DSPP: variants seen among roughly 807,000 people sequenced by gnomAD.
DSPP encodes dentin sialophosphoprotein.
A neutral mutation model predicts 29.1 loss-of-function variants in DSPP; 28 were observed. The ratio of observed to expected loss-of-function variants is 0.96; its 90% confidence interval spans 0.71 to 1.32. The LOEUF is 1.32. Ranked by LOEUF, DSPP falls within the 40% of genes most tolerant of loss-of-function variation. The pLI is 0.00. For synonymous variants in DSPP, 481 were observed against 503.4 expected (o/e 0.96, Z 0.60); for missense variants, 1,281 against 1,629.9 (o/e 0.79, Z 3.69).
intron 1 of DSPP, among the ~76,000 whole-genome samples, chr4:87,609,165 A>G (rs2736978): frequency 6.6e-6 from 1 of 152,178 alleles, no homozygotes; most frequent in East Asian, 1.9e-4. Flanking sequence ...TCATGCTGAG[A>G]TCACCTGGGC....
At position 87,615,690 on chromosome 4, in the gene DSPP, A is replaced by G. The variant is rs1307609046; in HGVS notation, c.3028A>G (p.Ser1010Gly). 1 of 1,535,602 alleles carries G rather than the reference A, an allele frequency of 6.5e-7. No individual in the cohort carries two copies. Among genetic ancestry groups the G allele is most frequent in the Non-Finnish European group, 8.8e-7 (1 of 1,138,224 alleles). ...CAACAGCAGTGATAGCAGTGACAGC[A>G]GTGACAGCAGTGATAGCAGTAATAG... The part of the protein sequence containing the change: ...SSNSSDSSDS[S>G]DSSDSSNSSD... Residue 1010 changes from serine to glycine, a missense_variant, in exon 5 of 5, where the codon AGT becomes GGT. Coordinates refer to ENST00000651931, the MANE Select transcript of DSPP (RefSeq NM_014208.3).
In DSPP at chr4:87,612,439, T is replaced by A; in HGVS notation, c.253T>A (p.Trp85Arg). 6.2e-7 allele frequency: 1 copy of A among 1,613,862 alleles called. No homozygotes were observed. Among genetic ancestry groups the A allele is most frequent in the Non-Finnish European group, 8.5e-7 (1 of 1,179,902 alleles). The stretch of plus-strand genomic sequence containing the variant: ...CAAGGGAGAAGGGAATGGCTCTAAG[T>A]GGGCAGAAGTAGGAGGGAAGAGTTT... ...GHKGEGNGSK[W>R]AEVGGKSFST... Residue 85 changes from tryptophan (W) to arginine (R), a missense_variant, in exon 4 of 5, where the codon TGG becomes AGG. This residue lies in a region of DSPP where 631 missense variants were observed against 643.2 expected (regional missense o/e 0.98). Transcript: ENST00000651931.
Position 87,612,490 on chromosome 4 carries a change from G to C in DSPP, c.304G>C (p.Glu102Gln). ...SFSTYSTLANEEGNIEGWNGD... is the reference protein window; with the variant it reads ...SFSTYSTLANQEGNIEGWNGD... ...TTCTACATATTCCACATTAGCAAAC[G>C]AAGAGGGGAATATTGAGGGCTGGAA... The change falls in exon 4 of 5, where the codon GAA becomes CAA. Residue 102 changes from glutamate (E) to glutamine (Q), a missense_variant. This residue lies in a region of DSPP where 631 missense variants were observed against 643.2 expected (regional missense o/e 0.98). Coordinates refer to ENST00000651931, the MANE Select transcript of DSPP (RefSeq NM_014208.3). The C allele has an allele frequency of 1.2e-6, 2 of 1,613,994 alleles. No individual in the cohort carries two copies. Among genetic ancestry groups the C allele is most frequent in the Non-Finnish European group, 1.7e-6 (2 of 1,179,976 alleles).
In DSPP at chr4:87,614,534, A is replaced by T; in HGVS notation, c.1872A>T (p.Ser624=). The T allele has an allele frequency of 6.5e-7, 1 of 1,549,476 alleles. No homozygotes were observed. The highest frequency in any genetic ancestry group is 1.2e-5 in the South Asian group (1 of 83,940). Residue 624 remains serine, a synonymous_variant, in exon 5 of 5, where the codon TCA becomes TCT. Transcript: ENST00000651931. ...SDSSDSSDSK[S]DSSKSESDSS... ...GTAGTGACAGCAGTGACAGCAAGTC[A>T]GACAGCAGCAAATCAGAGAGCGACA...
At chr4:87,608,836 G>A (rs1315511569) in intron 1 of DSPP, among the ~76,000 whole-genome samples, 1 of 152,092 alleles carries the variant, frequency 6.6e-6, no homozygotes, top group Non-Finnish European at 1.5e-5. Flanking sequence ...GAAAGACCTC[G>A]TACTGAAAAA....
rs1727842361 is a variant in DSPP, at chr4:87,615,064, G to C, written c.2402G>C (p.Ser801Thr). Residue 801 changes from serine (S) to threonine (T), a missense_variant, in exon 5 of 5, where the codon AGT becomes ACT. Physicochemically the swap from Ser to Thr is moderately conservative, Grantham distance 58. Coordinates refer to ENST00000651931, the MANE Select transcript of DSPP (RefSeq NM_014208.3). ...SSDSSDSSNS[S>T]DSSNSSDSSD... Reference sequence around the variant, plus strand: ...GACAGCAGTGATAGCAGCAACAGCAGTGATAGCAGCAACAGCAGTGATAGC... The same window carrying C: ...GACAGCAGTGATAGCAGCAACAGCACTGATAGCAGCAACAGCAGTGATAGC... The C allele has an allele frequency of 1.9e-6, 3 of 1,550,982 alleles. No individual in the cohort carries two copies. The highest frequency in any genetic ancestry group is 2.6e-6 in the Non-Finnish European group (3 of 1,146,774).
At position 87,614,656 on chromosome 4, in the gene DSPP, G is replaced by C; in HGVS notation, c.1994G>C (p.Ser665Thr). 6.5e-7 allele frequency: 1 copy of C among 1,537,776 alleles called. No homozygotes were observed. The highest frequency in any genetic ancestry group is 8.8e-7 in the Non-Finnish European group (1 of 1,136,494). ...DSSDSSNSSNSSDSSDSSDSS... is the reference protein window; with the variant it reads ...DSSDSSNSSNTSDSSDSSDSS... ...AGCGACAGCAGCAATAGCAGTAACA[G>C]CAGTGATAGTAGTGACAGCAGTGAT... The change falls in exon 5 of 5, where the codon AGC becomes ACC. Residue 665 changes from serine to threonine, a missense_variant. This residue lies in a region of DSPP where 444 missense variants were observed against 611.4 expected (regional missense o/e 0.73). Transcript: ENST00000651931.
chr4:87,616,341 G>A lies in DSPP; in HGVS notation c.3679G>A (p.Asp1227Asn), dbSNP rs1272184807. 4 of 1,514,644 alleles carry A rather than the reference G, an allele frequency of 2.6e-6. No individual in the cohort carries two copies. Among genetic ancestry groups the A allele is most frequent in the Non-Finnish European group, 3.6e-6 (4 of 1,122,880 alleles). 93.8% of individuals were successfully genotyped at this position (1,514,644 alleles called of 1,614,324 possible). The change falls in exon 5 of 5, where the codon GAC (aspartate) becomes AAC (asparagine). Residue 1227 changes from aspartate (D) to asparagine (N), a missense_variant. This residue lies in a region of DSPP where 134 missense variants were observed against 185.0 expected (regional missense o/e 0.72). Transcript: ENST00000651931. ...SDSSDSSDSS[D>N]SSDSNESSDS... is the part of the protein sequence containing the mutation. Reference sequence around the variant, plus strand: ...CAGCAGCGACAGCAGTGACAGCAGCGACAGCAGTGACAGCAATGAAAGCAG... The same window carrying A: ...CAGCAGCGACAGCAGTGACAGCAGCAACAGCAGTGACAGCAATGAAAGCAG...
Position 87,614,057 on chromosome 4 carries a change from C to T in DSPP, c.1395C>T (p.Pro465=). 1.2e-6 allele frequency: 2 copies of T among 1,614,160 alleles called. No homozygotes were observed. Among genetic ancestry groups the T allele is most frequent in the Non-Finnish European group, 1.7e-6 (2 of 1,180,036 alleles). The change falls in exon 5 of 5, where the codon CCC becomes CCT. Residue 465 remains proline (P), a synonymous_variant. Coordinates refer to ENST00000651931, the MANE Select transcript of DSPP (RefSeq NM_014208.3). ...ATAAGTCCATGCAAGGAGATGATCCCAATAGCAGTGATGAATCTAATGGCA... is the reference window on the plus strand; with the variant it reads ...ATAAGTCCATGCAAGGAGATGATCCTAATAGCAGTGATGAATCTAATGGCA... ...FDDKSMQGDD[P]NSSDESNGND...
Position 87,613,920 on chromosome 4 carries a change from G to T in DSPP, c.1258G>T (p.Val420Phe), listed in dbSNP as rs911893658. The change falls in exon 5 of 5, where the codon GTT becomes TTT. Residue 420 changes from valine (V) to phenylalanine (F), a missense_variant. Transcript: ENST00000651931. ...AGGCAATGTCAAGACACAAGGAGAG[G>T]TTGTCAACATAGAAGGACCTGGCCA... ...GKGNVKTQGE[V>F]VNIEGPGQKS... 5 of 1,614,070 alleles carry T rather than the reference G, an allele frequency of 3.1e-6. No homozygotes were observed. The highest frequency in any genetic ancestry group is 4.2e-6 in the Non-Finnish European group (5 of 1,180,036).
chr4:87,613,823 T>C lies in DSPP; in HGVS notation c.1161T>C (p.Asn387=). 1 of 1,614,106 alleles carries C rather than the reference T, an allele frequency of 6.2e-7. No individual in the cohort carries two copies. The change falls in exon 5 of 5, where the codon AAT becomes AAC. Residue 387 remains asparagine, a synonymous_variant. Coordinates refer to ENST00000651931, the MANE Select transcript of DSPP (RefSeq NM_014208.3). The part of the protein sequence containing the change: ...EIKGPSSGNR[N]ITKEVGKGNE... ...AGGGTCCCAGCAGTGGCAACAGAAATATTACCAAAGAAGTTGGGAAAGGCA... is the reference window on the plus strand; with the variant it reads ...AGGGTCCCAGCAGTGGCAACAGAAACATTACCAAAGAAGTTGGGAAAGGCA...
chr4:87,610,821 T>C (rs1401939114), intron 1 of DSPP, 60 bp from the exon 2 acceptor site: 5 of 1,124,832 alleles, frequency 4.4e-6, no homozygotes, highest in East Asian at 2.4e-5. Context: ...CAAAATAATA[T>C]AGTACTATGA....
At chr4:87,611,040 T>TGTGTGTGTGTGTGTGTGTGTGTGTGC (rs1727725400) in intron 2 of DSPP, 81 bp downstream of exon 2, 1 of 1,026,222 alleles carries the variant, frequency 9.7e-7, no homozygotes, top group African/African-American at 1.7e-5. Context: ...AGTGTGTGTG[T>TGTGTGTGTGTGTGTGTGTGTGTGTGC]GTGTGTGTGT....
In DSPP at chr4:87,610,943, TAGCA is replaced by T. The variant is rs1727721659; in HGVS notation, c.36_39del (p.Ala13GlyfsTer19). The T allele has an allele frequency of 1.9e-6, 3 of 1,613,676 alleles. No individual in the cohort carries two copies. The highest frequency in any genetic ancestry group is 2.5e-6 in the Non-Finnish European group (3 of 1,179,694). On this transcript the variant is annotated frameshift_variant, in exon 2 of 5. Coordinates refer to ENST00000651931, the MANE Select transcript of DSPP (RefSeq NM_014208.3). LOFTEE classifies it high-confidence loss of function. ...ATTACATATTTTTGCATTTGGGCAG[TAGCA>T]TGGGCCATTCCAGTAAGTATGCCTT...
At position 87,615,801 on chromosome 4, in the gene DSPP, G is replaced by T. The variant is rs770239442; in HGVS notation, c.3139G>T (p.Asp1047Tyr). The T allele has an allele frequency of 1.3e-6, 2 of 1,489,864 alleles. No individual in the cohort carries two copies. The highest frequency in any genetic ancestry group is 1.8e-6 in the Non-Finnish European group (2 of 1,118,112). 92.3% of individuals were successfully genotyped at this position (1,489,864 alleles called of 1,614,324 possible). ...SDSSDSSDSSDSSDSSDSSNS... is the reference protein window; with the variant it reads ...SDSSDSSDSSYSSDSSDSSNS... Reference sequence around the variant, plus strand: ...CAGCAGCGATAGCAGTGACAGCAGCGATAGCAGTGACAGCAGTGACAGCAG... The same window carrying T: ...CAGCAGCGATAGCAGTGACAGCAGCTATAGCAGTGACAGCAGTGACAGCAG... The change falls in exon 5 of 5, where the codon GAT becomes TAT. Residue 1047 changes from aspartate (D) to tyrosine (Y), a missense_variant. Physicochemically the swap from Asp to Tyr is radical, Grantham distance 160 (BLOSUM62 -3). Around this residue, in one of 4 missense-constraint regions of DSPP, gnomAD observed 72 missense variants for 190.3 expected, o/e 0.38. Transcript: ENST00000651931.
In DSPP at chr4:87,616,226, T is replaced by A; in HGVS notation, c.3564T>A (p.Asp1188Glu). 6.6e-7 allele frequency: 1 copy of A among 1,509,488 alleles called. No homozygotes were observed. Among genetic ancestry groups the A allele is most frequent in the South Asian group, 1.2e-5 (1 of 81,806 alleles). 93.5% of individuals were successfully genotyped at this position (1,509,488 alleles called of 1,614,324 possible). Residue 1188 changes from aspartate to glutamate, a missense_variant, in exon 5 of 5, where the codon GAT becomes GAA. Physicochemically the swap from Asp to Glu is conservative, Grantham distance 45. Around this residue, in one of 4 missense-constraint regions of DSPP, gnomAD observed 134 missense variants for 185.0 expected, o/e 0.72. Coordinates refer to ENST00000651931, the MANE Select transcript of DSPP (RefSeq NM_014208.3). ...GCAGTGATAGCAGCGACAGCAGTGATAGCAGTGACAGCAGCGACAGCAGCG... is the reference window on the plus strand; with the variant it reads ...GCAGTGATAGCAGCGACAGCAGTGAAAGCAGTGACAGCAGCGACAGCAGCG... ...SNSSDSSDSS[D>E]SSDSSDSSDS...
In DSPP at chr4:87,615,454, A is replaced by C; in HGVS notation, c.2792A>C (p.Asp931Ala). Residue 931 changes from aspartate (D) to alanine (A), a missense_variant, in exon 5 of 5, where the codon GAC becomes GCC. Asp to Ala is a moderately radical substitution (Grantham distance 126). This residue lies in a region of DSPP where 444 missense variants were observed against 611.4 expected (regional missense o/e 0.73). Coordinates refer to ENST00000651931, the MANE Select transcript of DSPP (RefSeq NM_014208.3). ...SDSSESSNSSDNSNSSDSSNS... is the reference protein window; with the variant it reads ...SDSSESSNSSANSNSSDSSNS... ...AGCAGTGAAAGCAGTAATAGTAGTG[A>C]CAACAGCAATAGCAGTGACAGCAGC... 6.4e-7 allele frequency: 1 copy of C among 1,551,298 alleles called. No homozygotes were observed.
intron 4 of DSPP, 80 bp downstream of exon 4, chr4:87,613,388 C>T: frequency 6.7e-7 from 1 of 1,501,160 alleles, no homozygotes; most frequent in East Asian, 2.3e-5. Flanking sequence ...CAAAAATAAA[C>T]CATGACAAGC....
chr4:87,613,336 A>C (rs1470696933), intron 4 of DSPP, 28 bp downstream of exon 4: 2 of 1,611,424 alleles, frequency 1.2e-6, no homozygotes. Context: ...ATTTCTTTCA[A>C]TGGCAGTTTA....
Sources: gnomAD v4.1 joint callset for allele counts (sites outside exome capture counted in the v4.1 genomes callset) on GRCh38, gnomAD v4.1.1 for gene constraint, gnomAD v4.1.1 regional missense constraint, MANE v1.5 for transcripts, NCBI Gene and HGNC (gene_info 2026-07-23, HGNC 2026-07-21) for gene names.